The following PCDH11X variants were observed in gnomAD, a reference collection of about 807,000 sequenced individuals.
PCDH11X encodes the protein protocadherin-11 X-linked.
PCDH11X carries 18 observed loss-of-function variants against 53.3 expected under a neutral mutation model. The ratio of observed to expected loss-of-function variants is 0.34; its 90% confidence interval spans 0.23 to 0.50. PCDH11X has a LOEUF of 0.50. Among genes scored for constraint, PCDH11X ranks in the 20% least tolerant of loss-of-function variants. The probability of loss-of-function intolerance (pLI) is 0.98; values close to 1 mark genes in which losing one functional copy is unlikely to be tolerated. For synonymous variants in PCDH11X, 279 were observed against 393.3 expected, an observed-to-expected ratio of 0.71 and a Z score of 3.44; for missense variants, 570 against 1,032.4, an observed-to-expected ratio of 0.55 and a Z score of 6.14.
intron 4 of PCDH11X, among the ~76,000 whole-genome samples, chrX:91,811,579 ATGT>A (rs928573570): frequency 9.0e-6 from 1 of 111,033 alleles, no homozygotes; most frequent in Admixed American, 9.7e-5. Context: ...ATGGCCACAC[ATGT>A]TGTCCGTGGA....
At chrX:91,812,221 C>T (rs1204274570) in intron 4 of PCDH11X, among the ~76,000 whole-genome samples, 1 of 110,308 alleles carries the variant, frequency 9.1e-6, no homozygotes, top group Non-Finnish European at 1.9e-5. Flanking sequence ...AATATGTTCC[C>T]CTTGACATTG....
chrX:92,048,238 TG>T (rs1397075714), intron 6 of PCDH11X, among the ~76,000 whole-genome samples: 1 of 84,940 alleles, frequency 1.2e-5, no homozygotes, highest in African/African-American at 6.0e-5. Context: ...GCTTTTCTTT[TG>T]AAAAAAAAAA....
intron 6 of PCDH11X, among the ~76,000 whole-genome samples, chrX:92,200,141 T>A (rs971437709): frequency 2.7e-5 from 3 of 111,575 alleles, no homozygotes; most frequent in Admixed American, 9.6e-5. Context: ...GTTGTTTGAG[T>A]TCCTTATATA....
intron 5 of PCDH11X, 169 bp from the exon 6 acceptor site, chrX:91,876,612 G>C (rs1488842354): frequency 1.9e-6 from 1 of 540,233 alleles, no homozygotes; most frequent in Non-Finnish European, 2.2e-6. Flanking sequence ...AAGTCTTCTG[G>C]CACCTATTTC....
At chrX:92,127,441 T>C (rs1394579429) in intron 6 of PCDH11X, among the ~76,000 whole-genome samples, 3 of 111,257 alleles carry the variant, frequency 2.7e-5, no homozygotes, top group Non-Finnish European at 5.6e-5. Flanking sequence ...CTTAAATCCT[T>C]TTTGAAATTC....
intron 5 of PCDH11X, among the ~76,000 whole-genome samples, chrX:91,861,711 G>C (rs1294196023): frequency 1.1e-4 from 12 of 111,992 alleles, no homozygotes; most frequent in Admixed American, 1.0e-3. Flanking sequence ...AGTCCTGGTG[G>C]CATAGGCTCA....
chrX:92,056,935 T>C (rs1465775216), intron 6 of PCDH11X, among the ~76,000 whole-genome samples: 1 of 109,103 alleles, frequency 9.2e-6, no homozygotes, highest in Non-Finnish European at 1.9e-5. Flanking sequence ...TATATTATTA[T>C]ATAGGTTTTT....
intron 7 of PCDH11X, among the ~76,000 whole-genome samples, chrX:92,212,971 A>G (rs1433013029): frequency 4.5e-5 from 5 of 112,189 alleles, no homozygotes; most frequent in African/African-American, 1.6e-4. Flanking sequence ...TAAGCTAACT[A>G]TTATCATGGA....
chrX:92,299,624 C>T (rs145992870), intron 8 of PCDH11X, among the ~76,000 whole-genome samples: 1,194 of 111,270 alleles, frequency 0.011, 5 homozygotes, highest in Non-Finnish European at 0.015. Flanking sequence ...ATAGTCTCTG[C>T]GGGTTTTTGT....
chrX:92,437,788 T>C (rs2072419303), intron 9 of PCDH11X, among the ~76,000 whole-genome samples: 1 of 110,191 alleles, frequency 9.1e-6, no homozygotes, highest in Non-Finnish European at 1.9e-5. Flanking sequence ...AATTGATAAT[T>C]AGTCTGAATG....
chrX:92,534,613 C>T (rs1180338866), intron 10 of PCDH11X, among the ~76,000 whole-genome samples: 20 of 98,576 alleles, frequency 2.0e-4, no homozygotes, highest in African/African-American at 4.5e-4. Context: ...TCAGATTCAC[C>T]AAGGTTGAAA....
intron 8 of PCDH11X, among the ~76,000 whole-genome samples, chrX:92,324,546 T>C (rs1421402380): frequency 9.2e-6 from 1 of 108,148 alleles, no homozygotes; most frequent in Non-Finnish European, 1.9e-5. Context: ...AGATAGACAA[T>C]CCTAAATAAT....
At chrX:92,028,902 G>A (rs1305382341) in intron 6 of PCDH11X, among the ~76,000 whole-genome samples, 1 of 110,853 alleles carries the variant, frequency 9.0e-6, no homozygotes, top group Non-Finnish European at 1.9e-5. Flanking sequence ...TTCTCCTTCT[G>A]AGATTTTTTG....
At chrX:92,598,467 T>G in intron 10 of PCDH11X, among the ~76,000 whole-genome samples, 1 of 109,722 alleles carries the variant, frequency 9.1e-6, no homozygotes, top group Middle Eastern at 4.7e-3. Context: ...TATCATTGAT[T>G]ATCAGATAAA....
intron 6 of PCDH11X, among the ~76,000 whole-genome samples, chrX:91,905,592 C>G (rs1360359173): frequency 9.0e-6 from 1 of 111,000 alleles, no homozygotes; most frequent in Non-Finnish European, 1.9e-5. Context: ...ATTCAGTTTA[C>G]AAAGTTTAGA....
In PCDH11X at chrX:92,365,949, T is replaced by A. The variant is rs1340209169; in HGVS notation, c.3145-21786T>A. ...GGTTACTGGCCTGACACTTTCTTTT[T>A]TTGTTGTGCCTCTGCCAGGTTTTGG... On this transcript the variant is annotated intron_variant, in intron 8 of 10. Transcript: ENST00000682573. Among the ~76,000 whole-genome samples, 4 of 111,159 alleles carry A rather than the reference T, an allele frequency of 3.6e-5. No homozygotes were observed. The East Asian group carries it at 1.1e-3, about 32-fold the overall frequency.
intron 1 of PCDH11X, among the ~76,000 whole-genome samples, chrX:91,786,758 G>A (rs1240611320): frequency 9.8e-6 from 1 of 102,300 alleles, no homozygotes; most frequent in Non-Finnish European, 2.0e-5. Flanking sequence ...AGAATTTCCA[G>A]AATTAAGAGG....
At chrX:92,338,373 A>C (rs965064834) in intron 8 of PCDH11X, among the ~76,000 whole-genome samples, 2 of 111,604 alleles carry the variant, frequency 1.8e-5, no homozygotes, top group African/African-American at 6.5e-5. Context: ...GTGGACTGTC[A>C]CAATGTTCCT....
At chrX:91,892,869 C>T (rs1940568619) in intron 6 of PCDH11X, among the ~76,000 whole-genome samples, 2 of 110,216 alleles carry the variant, frequency 1.8e-5, no homozygotes, top group African/African-American at 6.6e-5. Flanking sequence ...CCAACCTGCT[C>T]TCTAACTCCT....
Sources: gnomAD v4.1 joint callset for allele counts (sites outside exome capture counted in the v4.1 genomes callset) on GRCh38, gnomAD v4.1.1 for gene constraint, MANE v1.5 for transcripts, NCBI Gene and HGNC (gene_info 2026-07-23, HGNC 2026-07-21) for gene names.